The following EGFR variants were observed in gnomAD, a reference collection of about 807,000 sequenced individuals.
EGFR encodes the protein epidermal growth factor receptor, also known as avian erythroblastic leukemia viral (v-erb-b) oncogene homolog.
EGFR carries 58 observed loss-of-function variants against 143.0 expected under a neutral mutation model. The observed-to-expected ratio is 0.41, with a 90% CI of 0.33 to 0.50. The LOEUF (loss-of-function observed/expected upper bound fraction) is 0.50. EGFR is among the 20% of genes least tolerant of loss of function. EGFR has a pLI of 0.39. For missense variants in EGFR, 1,307 were observed against 1,579.0 expected (o/e 0.83, Z 2.92); for synonymous variants, 613 against 594.4 (o/e 1.03, Z -0.45).
intron 1 of EGFR, among the ~76,000 whole-genome samples, chr7:55,098,764 T>C (rs969149360): frequency 1.3e-5 from 2 of 152,240 alleles, no homozygotes; most frequent in Admixed American, 6.5e-5. Context: ...CCCTCCACAC[T>C]GCCAGCCTTT....
rs2128939797 is a variant in EGFR, at chr7:55,157,752, C to G, written c.1297C>G (p.His433Asp). The G allele has an allele frequency of 6.2e-7, 1 of 1,614,210 alleles. No individual in the cohort carries two copies. Among genetic ancestry groups the G allele is most frequent in the Middle Eastern group, 1.7e-4 (1 of 6,056 alleles). The stretch of plus-strand genomic sequence containing the variant: ...AATCATACGCGGCAGGACCAAGCAA[C>G]AGTAAGTTGACCACAGCCAAAGCCT... ...LEIIRGRTKQ[H>D]GQFSLAVVSL... The change falls in exon 11 of 28, where the codon CAT becomes GAT. Residue 433 changes from histidine (H) to aspartate (D), a missense_variant and splice_region_variant. His to Asp is a moderately conservative substitution (Grantham distance 81). Transcript: ENST00000275493.
intron 3 of EGFR, among the ~76,000 whole-genome samples, 159 bp downstream of exon 3, chr7:55,143,647 G>T (rs1794595613): frequency 6.6e-6 from 1 of 152,186 alleles, no homozygotes; most frequent in Non-Finnish European, 1.5e-5. Flanking sequence ...TACTGCAGGG[G>T]AAGTTACTGA....
At chr7:55,162,326 C>T (rs1785749781) in intron 13 of EGFR, among the ~76,000 whole-genome samples, 1 of 152,208 alleles carries the variant, frequency 6.6e-6, no homozygotes, top group Non-Finnish European at 1.5e-5. Context: ...TGGTGAGCAC[C>T]ATAGGAATTA....
At chr7:55,157,854 C>A (rs1270521894) in intron 11 of EGFR, 101 bp downstream of exon 11, 1 of 1,172,240 alleles carries the variant, frequency 8.5e-7, no homozygotes, top group Non-Finnish European at 1.2e-6. Context: ...AGAGCTCCTG[C>A]ATCTCTCGCC....
intron 15 of EGFR, chr7:55,166,256 G>A (rs553938144): frequency 1.9e-4 from 107 of 560,758 alleles, no homozygotes; most frequent in Non-Finnish European, 3.5e-4. Flanking sequence ...AATCAAACTG[G>A]ATCCCACTCA....
chr7:55,180,418 A>G (rs1786806042), intron 19 of EGFR: 1 of 152,264 alleles, frequency 6.6e-6, no homozygotes, highest in Admixed American at 6.5e-5. Flanking sequence ...GGGTTAAAAT[A>G]AAGTCTGTAT....
At chr7:55,101,646 G>A (rs776969716) in intron 1 of EGFR, among the ~76,000 whole-genome samples, 1 of 152,224 alleles carries the variant, frequency 6.6e-6, no homozygotes, top group Non-Finnish European at 1.5e-5. Flanking sequence ...GTACTGCCCA[G>A]CTATGAAACA....
At chr7:55,053,409 G>A (rs1349644803) in intron 1 of EGFR, among the ~76,000 whole-genome samples, 1 of 152,174 alleles carries the variant, frequency 6.6e-6, no homozygotes, top group African/African-American at 2.4e-5. Flanking sequence ...TCTAAGCCAG[G>A]GACGTGGGAA....
intron 1 of EGFR, among the ~76,000 whole-genome samples, chr7:55,073,581 G>A (rs1789957722): frequency 6.6e-6 from 1 of 152,200 alleles, no homozygotes; most frequent in African/African-American, 2.4e-5. Context: ...TAAAGTTCAA[G>A]TGTTAACTTA....
intron 1 of EGFR, among the ~76,000 whole-genome samples, chr7:55,061,612 A>ATATGTGTG (rs1789175209): frequency 1.6e-5 from 2 of 126,262 alleles, no homozygotes; most frequent in African/African-American, 3.1e-5. Context: ...GTCTCCAGGG[A>ATATGTGTG]TGTGTGTGTG....
At chr7:55,139,791 G>A (rs865852053) in intron 1 of EGFR, among the ~76,000 whole-genome samples, 6 of 152,094 alleles carry the variant, frequency 3.9e-5, no homozygotes, top group African/African-American at 4.8e-5. Context: ...TCATCATGAC[G>A]TAGAATTTAA....
chr7:55,147,590 A>G (rs768557006), intron 4 of EGFR, among the ~76,000 whole-genome samples: 6 of 150,748 alleles, frequency 4.0e-5, no homozygotes, highest in Non-Finnish European at 7.4e-5. Flanking sequence ...TATTTGTTTT[A>G]TTTTCATTTT....
At chr7:55,159,955 C>T (rs1030452808) in intron 11 of EGFR, among the ~76,000 whole-genome samples, 184 bp from the exon 12 acceptor site, 4 of 152,190 alleles carry the variant, frequency 2.6e-5, no homozygotes, top group Admixed American at 2.0e-4. Context: ...CTATCTTTTG[C>T]CTGGAGGAAC....
intron 22 of EGFR, among the ~76,000 whole-genome samples, chr7:55,198,505 C>T (rs1787715007): frequency 6.6e-6 from 1 of 152,154 alleles, no homozygotes; most frequent in Non-Finnish European, 1.5e-5. Flanking sequence ...TTGTTGGGTC[C>T]TTACAGCAAT....
chr7:55,131,287 C>CT (rs565491275), intron 1 of EGFR, among the ~76,000 whole-genome samples: 6,225 of 144,620 alleles, frequency 0.043, 301 homozygotes, highest in African/African-American at 0.1. Context: ...TTTCCACCTT[C>CT]TTTTTTTTTT....
At chr7:55,163,273 G>A (rs932391011) in intron 13 of EGFR, among the ~76,000 whole-genome samples, 1 of 152,190 alleles carries the variant, frequency 6.6e-6, no homozygotes, top group East Asian at 1.9e-4. Flanking sequence ...TCAAAATATT[G>A]TAAGCTAAGT....
rs1785711194 is a variant in EGFR at position 55,161,641 on chromosome 7, T to C, written c.1631+10T>C. On this transcript the variant is annotated intron_variant, in intron 13 of 27. Transcript: ENST00000275493. The stretch of plus-strand genomic sequence containing the variant: ...GCAACCTTCTGGAGGGGTAGGAGGT[T>C]ATTTCTTTAATCCCCTTGCGTTGAT... 2 of 1,614,148 alleles carry C rather than the reference T, an allele frequency of 1.2e-6. No homozygotes were observed. The highest frequency in any genetic ancestry group is 8.5e-7 in the Non-Finnish European group (1 of 1,180,052).
intron 1 of EGFR, among the ~76,000 whole-genome samples, chr7:55,036,269 TGTG>T (rs200257362): frequency 0.096 from 1,614 of 16,732 alleles, 56 homozygotes; most frequent in African/African-American, 0.13. Flanking sequence ...TTTGTGTGTG[TGTG>T]GGGGGGGGGG....
intron 1 of EGFR, among the ~76,000 whole-genome samples, chr7:55,112,375 G>A (rs967213332): frequency 2.6e-5 from 4 of 152,252 alleles, no homozygotes; most frequent in African/African-American, 7.2e-5. Flanking sequence ...GCAGCCAGGC[G>A]ACTGAGGCAG....
Sources: gnomAD v4.1 joint callset for allele counts (sites outside exome capture counted in the v4.1 genomes callset) on GRCh38, gnomAD v4.1.1 for gene constraint, MANE v1.5 for transcripts, NCBI Gene and HGNC (gene_info 2026-07-23, HGNC 2026-07-21) for gene names.